Variants in STK39 observed in about 807,000 individuals in gnomAD.
STK39 encodes STE20/SPS1-related proline-alanine-rich protein kinase.
In STK39, 20 loss-of-function variants were observed where a neutral mutation model predicts 77.8. The observed-to-expected ratio is 0.26, with a 90% CI of 0.18 to 0.37. The LOEUF (loss-of-function observed/expected upper bound fraction) is 0.37. Ranked by LOEUF, STK39 falls within the 10% of genes least tolerant of loss-of-function variation. The pLI is 1.00. For synonymous variants in STK39, 246 were observed against 234.1 expected (o/e 1.05, Z -0.47); for missense variants, 479 against 656.5 (o/e 0.73, Z 2.95).
At chr2:168,106,888 A>C (rs906658664) in intron 10 of STK39, among the ~76,000 whole-genome samples, 5 of 152,238 alleles carry the variant, frequency 3.3e-5, no homozygotes, top group Non-Finnish European at 7.3e-5. Context: ...TATTATGTGT[A>C]TATATAGTAT....
Position 168,180,400 on chromosome 2 carries a change from A to G in STK39, c.321+1578T>C, listed in dbSNP as rs963825832. Among the ~76,000 whole-genome samples, 4 of 152,240 alleles carry G rather than the reference A, an allele frequency of 2.6e-5. No individual in the cohort carries two copies. The East Asian group carries it at 7.7e-4, about 29-fold the overall frequency. Reference sequence around the variant, plus strand: ...TATCACTGGCAAATTCTTGAGTGATACATCCAAACAGTACATATATTTAAA... The same window carrying G: ...TATCACTGGCAAATTCTTGAGTGATGCATCCAAACAGTACATATATTTAAA... On this transcript the variant is annotated intron_variant, in intron 2 of 17. Coordinates refer to ENST00000355999, the MANE Select transcript of STK39 (RefSeq NM_013233.3).
At chr2:168,096,748 G>A (rs552685760) in intron 10 of STK39, among the ~76,000 whole-genome samples, 28 of 152,208 alleles carry the variant, frequency 1.8e-4, no homozygotes, top group African/African-American at 6.3e-4. Context: ...CTCCATACAG[G>A]AAGAAAAATG....
chr2:168,161,856 A>C lies in STK39; in HGVS notation c.573-14T>G. The C allele has an allele frequency of 1.2e-6, 2 of 1,601,230 alleles. No individual in the cohort carries two copies. The highest frequency in any genetic ancestry group is 1.7e-5 in the Admixed American group (1 of 59,414). ...GCTTTCAAATCCCTATTAGAAAAAA[A>C]AATAGAAAATAAATTGTAGGGTACA... On this transcript the variant is annotated splice_polypyrimidine_tract_variant and intron_variant, in intron 4 of 17. Coordinates refer to ENST00000355999, the MANE Select transcript of STK39 (RefSeq NM_013233.3).
intron 1 of STK39, among the ~76,000 whole-genome samples, chr2:168,229,936 A>G (rs1690409455): frequency 6.6e-6 from 1 of 152,192 alleles, no homozygotes; most frequent in Non-Finnish European, 1.5e-5. Context: ...CTACAGCAAA[A>G]ATCACTCTGA....
At chr2:168,119,646 C>A (rs1559106591) in intron 10 of STK39, among the ~76,000 whole-genome samples, 1 of 152,138 alleles carries the variant, frequency 6.6e-6, no homozygotes, top group Non-Finnish European at 1.5e-5. Context: ...TTCGACAAAG[C>A]CAAAACTTTT....
chr2:168,117,811 T>G (rs1380005320), intron 10 of STK39, among the ~76,000 whole-genome samples: 1 of 151,794 alleles, frequency 6.6e-6, no homozygotes, highest in Non-Finnish European at 1.5e-5. Flanking sequence ...GACCCTGGAG[T>G]GATCCCTTAC....
chr2:168,186,933 T>C (rs1689223512), intron 1 of STK39, among the ~76,000 whole-genome samples: 1 of 152,182 alleles, frequency 6.6e-6, no homozygotes, highest in Non-Finnish European at 1.5e-5. Context: ...ATTTCTAAAG[T>C]CTGATACAGC....
chr2:168,127,264 C>T (rs569279137), intron 10 of STK39, among the ~76,000 whole-genome samples: 2 of 152,270 alleles, frequency 1.3e-5, no homozygotes, highest in African/African-American at 4.8e-5. Flanking sequence ...GATTCTCCTG[C>T]CTCAGCCTCC....
In STK39 at chr2:168,247,560, C is replaced by CCGCCGCCGCCGCCGCCGCCGT. The variant is rs1433788072; in HGVS notation, c.-126_-125insACGGCGGCGGCGGCGGCGGCG. 2.7e-6 allele frequency: 2 copies of CCGCCGCCGCCGCCGCCGCCGT among 740,732 alleles called. No homozygotes were observed. The highest frequency in any genetic ancestry group is 3.5e-6 in the Non-Finnish European group (2 of 578,508). 45.9% of individuals were successfully genotyped at this position (740,732 alleles called of 1,614,324 possible). ...CCCTCCCCGCCCGCCGCCGCCGCCG[C>CCGCCGCCGCCGCCGCCGCCGT]CGTCCCCGCCGAAGCCAGCTAGGAG... On this transcript the variant is annotated 5_prime_UTR_variant, in exon 1 of 18. Coordinates refer to ENST00000355999, the MANE Select transcript of STK39 (RefSeq NM_013233.3).
chr2:168,069,626 G>A (rs1366386166), intron 12 of STK39, among the ~76,000 whole-genome samples: 1 of 152,202 alleles, frequency 6.6e-6, no homozygotes, highest in African/African-American at 2.4e-5. Flanking sequence ...GAGCACACCA[G>A]CTTCCTGGAT....
chr2:168,027,527 T>C (rs1412530934), intron 14 of STK39, among the ~76,000 whole-genome samples: 10 of 152,132 alleles, frequency 6.6e-5, no homozygotes, highest in Non-Finnish European at 1.5e-5. Context: ...AGTCACACTG[T>C]TCCCTTTAAC....
chr2:168,041,326 G>A (rs1329272730), intron 14 of STK39, among the ~76,000 whole-genome samples: 3 of 151,064 alleles, frequency 2.0e-5, no homozygotes, highest in Non-Finnish European at 4.4e-5. Flanking sequence ...AGTTCCAAAG[G>A]ATACACAAGG....
At chr2:168,119,568 G>T (rs571985879) in intron 10 of STK39, among the ~76,000 whole-genome samples, 2 of 152,242 alleles carry the variant, frequency 1.3e-5, no homozygotes, top group East Asian at 3.9e-4. Flanking sequence ...ATTGACTAAG[G>T]TGTCTCTTGT....
chr2:167,970,148 C>G (rs982416213), intron 16 of STK39, among the ~76,000 whole-genome samples: 3 of 152,202 alleles, frequency 2.0e-5, no homozygotes, highest in Non-Finnish European at 4.4e-5. Flanking sequence ...CCTATTAACA[C>G]CCCCACCATC....
intron 14 of STK39, among the ~76,000 whole-genome samples, chr2:168,059,057 ATTAC>A (rs1414486813): frequency 1.3e-5 from 2 of 152,102 alleles, no homozygotes; most frequent in African/African-American, 4.8e-5. Flanking sequence ...TGCTTTTCCA[ATTAC>A]TTATAACATG....
chr2:168,042,008 T>G (rs1005671458), intron 14 of STK39, among the ~76,000 whole-genome samples: 1 of 152,178 alleles, frequency 6.6e-6, no homozygotes. Flanking sequence ...CGCTATATAA[T>G]CTTTTAATCC....
intron 1 of STK39, among the ~76,000 whole-genome samples, chr2:168,215,455 C>A (rs1448469795): frequency 1.3e-5 from 2 of 152,176 alleles, no homozygotes; most frequent in African/African-American, 4.8e-5. Context: ...ATACACAGGG[C>A]GTTAGCAATA....
In STK39 at chr2:167,955,486, G is replaced by A; in HGVS notation, c.*10C>T. ...GCATGACAGATCAGGGTGACATCAA[G>A]GGACATACATCAGCTGACACTCAAC... On this transcript the variant is annotated 3_prime_UTR_variant, in exon 18 of 18. Transcript: ENST00000355999. 1 of 1,613,310 alleles carries A rather than the reference G, an allele frequency of 6.2e-7. No individual in the cohort carries two copies. Among genetic ancestry groups the A allele is most frequent in the Admixed American group, 1.7e-5 (1 of 59,930 alleles).
chr2:168,133,073 C>T (rs1274760743), intron 8 of STK39, among the ~76,000 whole-genome samples: 1 of 152,160 alleles, frequency 6.6e-6, no homozygotes, highest in African/African-American at 2.4e-5. Flanking sequence ...CGTAAGGAGG[C>T]AAAGTGCCTC....
Sources: gnomAD v4.1 joint callset for allele counts (sites outside exome capture counted in the v4.1 genomes callset) on GRCh38, gnomAD v4.1.1 for gene constraint, MANE v1.5 for transcripts, NCBI Gene and HGNC (gene_info 2026-07-23, HGNC 2026-07-21) for gene names.